The following WDPCP variants were observed in gnomAD, a reference collection of about 807,000 sequenced individuals.
The protein encoded by WDPCP is WD repeat containing planar cell polarity effector, also known as WD repeat-containing and planar cell polarity effector protein fritz homolog.
Under a neutral mutation model 93.1 loss-of-function variants are expected in WDPCP, and 71 were observed. The observed-to-expected ratio is 0.76, with a 90% CI of 0.63 to 0.93. WDPCP has a LOEUF of 0.93. WDPCP is among the 40% of genes least tolerant of loss of function. The pLI, the probability that WDPCP is intolerant of heterozygous loss-of-function variation, is 0.00. For synonymous variants in WDPCP, 315 were observed against 315.0 expected (o/e 1.00, Z 0.00); for missense variants, 844 against 887.4 (o/e 0.95, Z 0.62).
chr2:63,292,147 A>G (rs916848323), intron 13 of WDPCP, among the ~76,000 whole-genome samples: 9 of 151,464 alleles, frequency 5.9e-5, no homozygotes, highest in South Asian at 4.2e-4. Flanking sequence ...AAAAAAAAAA[A>G]AAAAGAAAAA....
At chr2:63,702,857 G>C (rs1471472303) in intron 2 of WDPCP, among the ~76,000 whole-genome samples, 1 of 152,026 alleles carries the variant, frequency 6.6e-6, no homozygotes, top group Admixed American at 6.6e-5. Context: ...ATCTCCTAAA[G>C]CTATCCCTCC....
chr2:63,622,571 GTCCACAATAGAGTCC>G, intron 3 of WDPCP: 1 of 1,613,910 alleles, frequency 6.2e-7, no homozygotes, highest in Admixed American at 1.7e-5. Flanking sequence ...GATTCTGTGG[GTCCACAATAGAGTCC>G]TCCAGGATGT....
chr2:63,366,858 GAAGTTCT>G (rs1487376412), intron 12 of WDPCP, among the ~76,000 whole-genome samples: 1 of 151,952 alleles, frequency 6.6e-6, no homozygotes, highest in East Asian at 1.9e-4. Context: ...CACATGGACT[GAAGTTCT>G]AATTCTAGTC....
chr2:63,252,991 T>C (rs1680861983), intron 14 of WDPCP, among the ~76,000 whole-genome samples: 1 of 152,024 alleles, frequency 6.6e-6, no homozygotes, highest in African/African-American at 2.4e-5. Flanking sequence ...GCTGGAGGGA[T>C]CACCATTACC....
At chr2:63,671,428 T>C (rs1710345940) in intron 2 of WDPCP, among the ~76,000 whole-genome samples, 1 of 152,184 alleles carries the variant, frequency 6.6e-6, no homozygotes, top group Non-Finnish European at 1.5e-5. Context: ...AGGATGCTTC[T>C]ACCCAACCTA....
At chr2:63,463,431 G>A (rs903657031) in intron 6 of WDPCP, among the ~76,000 whole-genome samples, 1 of 152,136 alleles carries the variant, frequency 6.6e-6, no homozygotes, top group Non-Finnish European at 1.5e-5. Flanking sequence ...GTACCTGGAG[G>A]AGAATGTGGT....
At chr2:63,341,403 A>G (rs1201479300) in intron 12 of WDPCP, among the ~76,000 whole-genome samples, 2 of 152,228 alleles carry the variant, frequency 1.3e-5, no homozygotes, top group Non-Finnish European at 2.9e-5. Flanking sequence ...TGCTGGGATT[A>G]CAGGCGTGAG....
At chr2:63,673,741 G>C (rs1710373115) in intron 2 of WDPCP, among the ~76,000 whole-genome samples, 1 of 152,158 alleles carries the variant, frequency 6.6e-6, no homozygotes, top group South Asian at 2.1e-4. Context: ...TCTATAAAAA[G>C]TCTTATTTGA....
In WDPCP at chr2:63,588,330, G is replaced by C. The variant is rs1464279351; in HGVS notation, c.-59C>G. On this transcript the variant is annotated 5_prime_UTR_variant, in exon 1 of 18. Coordinates refer to ENST00000272321, the MANE Select transcript of WDPCP (RefSeq NM_015910.7). ...GCTAGGTCCTCGGACCCGAGAGGGA[G>C]CGACACGCTCGCTTGGTCTCTTGGG... is the stretch of plus-strand genomic sequence containing the variant. 1 of 1,542,820 alleles carries C rather than the reference G, an allele frequency of 6.5e-7. No individual in the cohort carries two copies.
chr2:63,559,168 A>G (rs1706379700), intron 1 of WDPCP, among the ~76,000 whole-genome samples: 1 of 152,204 alleles, frequency 6.6e-6, no homozygotes, highest in Admixed American at 6.5e-5. Flanking sequence ...AGAACTAAAG[A>G]AAAAAACCAC....
intron 1 of WDPCP, among the ~76,000 whole-genome samples, chr2:63,565,494 A>T (rs748515390): frequency 2.0e-5 from 3 of 152,206 alleles, no homozygotes; most frequent in Admixed American, 6.5e-5. Flanking sequence ...ATAAAACATC[A>T]AGGAGTCACT....
intron 2 of WDPCP, among the ~76,000 whole-genome samples, chr2:63,765,315 T>C (rs2103927618): frequency 6.6e-6 from 1 of 152,078 alleles, no homozygotes; most frequent in South Asian, 2.1e-4. Flanking sequence ...GCACAGTGTG[T>C]GTAAATGTTT....
chr2:63,338,597 T>C (rs898994175), intron 12 of WDPCP, among the ~76,000 whole-genome samples: 5 of 132,646 alleles, frequency 3.8e-5, no homozygotes, highest in Admixed American at 7.5e-5. Context: ...TATATATATA[T>C]ATATATATAT....
intron 2 of WDPCP, among the ~76,000 whole-genome samples, chr2:63,655,931 C>G (rs1405887345): frequency 2.6e-5 from 4 of 152,182 alleles, no homozygotes; most frequent in African/African-American, 9.7e-5. Flanking sequence ...GTATATACAT[C>G]AAATCACATG....
At chr2:63,803,340 A>C (rs1670720969) in intron 2 of WDPCP, among the ~76,000 whole-genome samples, 1 of 152,216 alleles carries the variant, frequency 6.6e-6, no homozygotes, top group African/African-American at 2.4e-5. Context: ...TCTTGCAATA[A>C]ATATATGGAA....
intron 16 of WDPCP, among the ~76,000 whole-genome samples, 156 bp downstream of exon 16, chr2:63,153,339 G>T (rs1305841983): frequency 6.6e-6 from 1 of 151,912 alleles, no homozygotes; most frequent in African/African-American, 2.4e-5. Context: ...GTAATAATCA[G>T]GCAACTTGGT....
intron 14 of WDPCP, among the ~76,000 whole-genome samples, chr2:63,225,405 G>A (rs1056068662): frequency 2.0e-5 from 3 of 151,868 alleles, no homozygotes; most frequent in Non-Finnish European, 4.4e-5. Context: ...GGGGATGTAA[G>A]AGAATTCTCA....
chr2:63,600,586 G>A (rs996153796), intron 3 of WDPCP, among the ~76,000 whole-genome samples: 1 of 152,192 alleles, frequency 6.6e-6, no homozygotes, highest in African/African-American at 2.4e-5. Context: ...TTAGCATGGT[G>A]CCTGCACATA....
At chr2:63,203,921 A>G (rs891529338) in intron 14 of WDPCP, among the ~76,000 whole-genome samples, 7 of 152,310 alleles carry the variant, frequency 4.6e-5, no homozygotes, top group South Asian at 2.1e-4. Flanking sequence ...GCCATTGTGC[A>G]TATATACATT....
Sources: allele counts gnomAD v4.1 joint callset (sites outside exome capture counted in the v4.1 genomes callset), GRCh38; gene constraint gnomAD v4.1.1; transcripts MANE v1.5; gene names NCBI Gene and HGNC (gene_info 2026-07-23, HGNC 2026-07-21).